The following ULK4 variants were observed in gnomAD, a reference collection of about 807,000 sequenced individuals.
ULK4 encodes the protein unc-51 like kinase 4.
Under a neutral mutation model 160.6 loss-of-function variants are expected in ULK4, and 133 were observed. The ratio of observed to expected loss-of-function variants is 0.83; its 90% CI spans 0.72 to 0.96. The LOEUF is 0.96. Ranked by LOEUF, ULK4 falls within the 40% of genes least tolerant of loss-of-function variation. The pLI, the probability that ULK4 is intolerant of heterozygous loss-of-function variation, is 0.00. For missense variants in ULK4, 1,580 were observed against 1,499.5 expected, an observed-to-expected ratio of 1.05 and a Z score of -0.89; for synonymous variants, 534 against 539.8, an observed-to-expected ratio of 0.99 and a Z score of 0.15.
rs369423785 is a variant in ULK4, at chr3:41,883,891, T to A, written c.1639A>T (p.Asn547Tyr). The A allele has an allele frequency of 1.9e-6, 3 of 1,608,460 alleles. No homozygotes were observed. The African/African-American group carries it at 4.0e-5, about 21-fold the overall frequency. ...LASHTAELQE[N>Y]TPVVEAIVLL... ...GACATTACCTCAACAACAGGTGTAT[T>A]TTCCTGGAGCTCAGCTGTGTGCGAA... The change falls in exon 17 of 37, where the codon AAT (asparagine) becomes TAT (tyrosine). Residue 547 changes from asparagine (N) to tyrosine (Y), a missense_variant. Asn to Tyr is a moderately radical substitution (Grantham distance 143). Transcript: ENST00000301831.
chr3:41,895,754 A>G (rs1698129991), intron 15 of ULK4, among the ~76,000 whole-genome samples, 190 bp from the exon 16 acceptor site: 1 of 152,164 alleles, frequency 6.6e-6, no homozygotes, highest in South Asian at 2.1e-4. Context: ...AAAACTAAGA[A>G]CAGTATTTTT....
At chr3:41,919,291 A>T (rs1022705983) in intron 6 of ULK4, among the ~76,000 whole-genome samples, 1 of 152,204 alleles carries the variant, frequency 6.6e-6, no homozygotes, top group African/African-American at 2.4e-5. Flanking sequence ...ATCAGTATAC[A>T]TAAAAATTTA....
intron 30 of ULK4, among the ~76,000 whole-genome samples, chr3:41,653,138 CCAATCCTTAGCT>C (rs1674770575): frequency 6.6e-6 from 1 of 152,180 alleles, no homozygotes; most frequent in African/African-American, 2.4e-5. Context: ...TGCAAACTAA[CCAATCCTTAGCT>C]CATACCCACA....
intron 15 of ULK4, 44 bp from the exon 16 acceptor site, chr3:41,895,608 T>G (rs370188801): frequency 1.6e-6 from 2 of 1,286,744 alleles, no homozygotes; most frequent in South Asian, 3.3e-5. Flanking sequence ...AAAATTAAAA[T>G]GTTTAAGTCA....
At chr3:41,635,960 T>G (rs775762189) in intron 30 of ULK4, among the ~76,000 whole-genome samples, 15 of 152,244 alleles carry the variant, frequency 9.9e-5, no homozygotes, top group Admixed American at 9.2e-4. Context: ...CAACCTGTCA[T>G]TTATTTAACT....
chr3:41,551,847 A>G (rs973284103), intron 32 of ULK4, among the ~76,000 whole-genome samples: 2 of 152,166 alleles, frequency 1.3e-5, no homozygotes, highest in South Asian at 4.1e-4. Flanking sequence ...TGATGAACAG[A>G]GACACAAAAA....
chr3:41,521,343 A>T (rs1019498435), intron 32 of ULK4, among the ~76,000 whole-genome samples: 4 of 152,094 alleles, frequency 2.6e-5, no homozygotes, highest in Non-Finnish European at 4.4e-5. Flanking sequence ...TATATCATAT[A>T]TGGTCTCAGG....
At chr3:41,836,831 T>C (rs1289685429) in intron 17 of ULK4, among the ~76,000 whole-genome samples, 1 of 152,124 alleles carries the variant, frequency 6.6e-6, no homozygotes, top group East Asian at 1.9e-4. Context: ...GAAAATCACA[T>C]ACACTCATTG....
At chr3:41,959,477 A>C (rs1226073593) in intron 1 of ULK4, among the ~76,000 whole-genome samples, 1 of 152,080 alleles carries the variant, frequency 6.6e-6, no homozygotes, top group Non-Finnish European at 1.5e-5. Context: ...CAGTGAGCCG[A>C]TTGCGCCACT....
intron 35 of ULK4, among the ~76,000 whole-genome samples, chr3:41,366,042 T>A (rs1470650329): frequency 2.0e-5 from 3 of 152,108 alleles, no homozygotes; most frequent in African/African-American, 7.2e-5. Context: ...AATCCTCCAA[T>A]CCACAAAGAC....
At chr3:41,901,480 T>C (rs1209896582) in intron 12 of ULK4, among the ~76,000 whole-genome samples, 1 of 43,884 alleles carries the variant, frequency 2.3e-5, no homozygotes, top group African/African-American at 8.2e-5. Flanking sequence ...ACGCCCAGCC[T>C]TTTTTTTTTT....
chr3:41,690,832 C>A lies in ULK4; in HGVS notation c.2782-9028G>T, dbSNP rs1011275283. 6.6e-5 allele frequency among the ~76,000 whole-genome samples: 10 copies of A among 151,832 alleles called. 1 individual carries two copies. The highest frequency in any genetic ancestry group is 1.2e-4 in the Non-Finnish European group (8 of 67,944). On this transcript the variant is annotated intron_variant, in intron 27 of 36. Coordinates refer to ENST00000301831, the MANE Select transcript of ULK4 (RefSeq NM_017886.4). ...CAGACCACCTTTCCAGGACAGAGCA[C>A]CTATATGCAAAAGGGGGGTACTTCC...
chr3:41,423,767 G>A (rs941881434), intron 34 of ULK4, among the ~76,000 whole-genome samples: 1 of 151,898 alleles, frequency 6.6e-6, no homozygotes, highest in Non-Finnish European at 1.5e-5. Context: ...CCACCTGAGA[G>A]CCACACAGGG....
At chr3:41,895,591 A>G in intron 15 of ULK4, 27 bp from the exon 16 acceptor site, 1 of 1,425,986 alleles carries the variant, frequency 7.0e-7, no homozygotes, top group East Asian at 2.6e-5. Flanking sequence ...AAGTGTAAAG[A>G]AAAGAAAAAA....
At chr3:41,251,022 G>C (rs3821834) in intron 35 of ULK4, 32,125 of 152,144 alleles carry the variant, frequency 0.21, 6,132 homozygotes, top group African/African-American at 0.5. Flanking sequence ...TCCAGGCTCA[G>C]TGCCCCGACC....
At chr3:41,281,852 A>T (rs940289020) in intron 35 of ULK4, among the ~76,000 whole-genome samples, 6 of 152,368 alleles carry the variant, frequency 3.9e-5, no homozygotes, top group Admixed American at 3.9e-4. Flanking sequence ...GAAAAGAGGA[A>T]GTCAAATTGT....
chr3:41,349,868 C>T (rs1431773676), intron 35 of ULK4, among the ~76,000 whole-genome samples: 1 of 152,100 alleles, frequency 6.6e-6, no homozygotes, highest in East Asian at 1.9e-4. Context: ...AATAATTTTT[C>T]CCCTATAAAT....
At chr3:41,388,422 T>C (rs1436139082) in intron 35 of ULK4, among the ~76,000 whole-genome samples, 1 of 152,046 alleles carries the variant, frequency 6.6e-6, no homozygotes. Flanking sequence ...CCATTGCTTT[T>C]GGTGTTTTAG....
intron 5 of ULK4, among the ~76,000 whole-genome samples, chr3:41,928,092 A>G (rs1699448411): frequency 6.6e-6 from 1 of 152,222 alleles, no homozygotes; most frequent in African/African-American, 2.4e-5. Flanking sequence ...AAAATCGACC[A>G]CATAATTGGA....
Sources: allele counts gnomAD v4.1 joint callset (sites outside exome capture counted in the v4.1 genomes callset), GRCh38; gene constraint gnomAD v4.1.1; transcripts MANE v1.5; gene names NCBI Gene and HGNC (gene_info 2026-07-23, HGNC 2026-07-21).